The following RXFP2 variants were observed in gnomAD, a reference collection of about 807,000 sequenced individuals.
RXFP2 encodes relaxin receptor 2.
A neutral mutation model predicts 88.6 loss-of-function variants in RXFP2; 68 were observed. The ratio of observed to expected loss-of-function variants is 0.77; its 90% CI spans 0.63 to 0.94. The LOEUF is 0.94. Among genes scored for constraint, RXFP2 ranks in the 40% least tolerant of loss-of-function variants. The probability of loss-of-function intolerance (pLI) is 0.00; values close to 1 mark genes in which losing one functional copy is unlikely to be tolerated. For synonymous variants in RXFP2, 329 were observed against 306.8 expected (o/e 1.07, Z -0.76); for missense variants, 791 against 893.9 (o/e 0.88, Z 1.47).
intron 5 of RXFP2, among the ~76,000 whole-genome samples, chr13:31,774,378 CA>C (rs1172506316): frequency 6.6e-6 from 1 of 152,190 alleles, no homozygotes; most frequent in East Asian, 1.9e-4. Context: ...TCCGCAGACA[CA>C]TCACACTGGA....
At chr13:31,788,584 C>G (rs1273229947) in intron 13 of RXFP2, among the ~76,000 whole-genome samples, 2 of 152,084 alleles carry the variant, frequency 1.3e-5, no homozygotes, top group Non-Finnish European at 2.9e-5. Flanking sequence ...TTAAATTTAA[C>G]TTAAATTTAA....
chr13:31,739,924 T>A (rs577154577), intron 1 of RXFP2, among the ~76,000 whole-genome samples: 1 of 152,300 alleles, frequency 6.6e-6, no homozygotes, highest in East Asian at 1.9e-4. Context: ...AGCCTTTGTA[T>A]GTTATTAAAG....
chr13:31,795,845 G>A lies in RXFP2; in HGVS notation c.1787-1356G>A, dbSNP rs148571768. ...GAGTGACTAAGAAGTCAGCATGAAA[G>A]GTAATAGTGATGTTAGGTGGGAATC... On this transcript the variant is annotated intron_variant, in intron 16 of 17. Transcript: ENST00000298386. Among the ~76,000 whole-genome samples, 1,042 of 152,132 alleles carry A rather than the reference G, an allele frequency of 6.8e-3. 10 individuals carry two copies. The highest frequency in any genetic ancestry group is 0.024 in the African/African-American group (994 of 41,522).
chr13:31,775,191 T>A, intron 6 of RXFP2, 127 bp from the exon 7 acceptor site: 1 of 813,386 alleles, frequency 1.2e-6, no homozygotes, highest in Non-Finnish European at 2.1e-6. Flanking sequence ...CCTCTGCTCA[T>A]TCAGCCGAAT....
chr13:31,773,946 C>T (rs973672696), intron 5 of RXFP2, among the ~76,000 whole-genome samples: 2 of 152,138 alleles, frequency 1.3e-5, no homozygotes, highest in South Asian at 4.2e-4. Context: ...AGCTAACTTC[C>T]CATTGTACAA....
rs2138467298 is a variant in RXFP2 at position 31,797,318 on chromosome 13, C to T, written c.1904C>T (p.Ala635Val). Residue 635 changes from alanine (A) to valine (V), a missense_variant, in exon 17 of 18, where the codon GCT becomes GTT. Physicochemically the swap from Ala to Val is moderately conservative, Grantham distance 64. Coordinates refer to ENST00000298386, the MANE Select transcript of RXFP2 (RefSeq NM_130806.5). ...AGGAATTGTTTTGGAAGAGAGGTGG[C>T]TGTTGCAAATCGTTTCTTTTTTATA... ...EVRNCFGREV[A>V]VANRFFFIVF... 6.2e-7 allele frequency: 1 copy of T among 1,614,012 alleles called. No individual in the cohort carries two copies.
chr13:31,797,897 T>A lies in RXFP2; in HGVS notation c.2005+478T>A, dbSNP rs532797570. Among the ~76,000 whole-genome samples, 6 of 152,018 alleles carry A rather than the reference T, an allele frequency of 3.9e-5. No homozygotes were observed. In the South Asian group the frequency reaches 1.2e-3, roughly 32 times the overall value. On this transcript the variant is annotated intron_variant, in intron 17 of 17. Coordinates refer to ENST00000298386, the MANE Select transcript of RXFP2 (RefSeq NM_130806.5). ...GAGCACGAGATATTTCCTGAAAGAG[T>A]CTCCTCCAAAAGGCCAAATTCCCTG...
In RXFP2 at chr13:31,791,900, G is replaced by A; in HGVS notation, c.1240G>A (p.Ala414Thr). The A allele has an allele frequency of 1.2e-6, 2 of 1,614,054 alleles. No homozygotes were observed. The highest frequency in any genetic ancestry group is 8.5e-7 in the Non-Finnish European group (1 of 1,179,950). ...CATTTCTTCATTTGAGGACCTCTTG[G>A]CTAACAATATCCTCAGAATATTTGT... Reference protein sequence around the residue: ...DGISSFEDLLANNILRIFVWV... With the variant: ...DGISSFEDLLTNNILRIFVWV... Residue 414 changes from alanine (A) to threonine (T), a missense_variant, in exon 15 of 18, where the codon GCT (alanine) becomes ACT (threonine). Coordinates refer to ENST00000298386, the MANE Select transcript of RXFP2 (RefSeq NM_130806.5).
intron 1 of RXFP2, among the ~76,000 whole-genome samples, chr13:31,744,427 T>C (rs752221517): frequency 6.6e-6 from 1 of 152,210 alleles, no homozygotes; most frequent in African/African-American, 2.4e-5. Flanking sequence ...AACTATATAG[T>C]TCATAGCATG....
At chr13:31,783,795 TTTTTG>T (rs1219906666) in intron 11 of RXFP2, among the ~76,000 whole-genome samples, 1 of 92,858 alleles carries the variant, frequency 1.1e-5, no homozygotes, top group Non-Finnish European at 2.3e-5. Context: ...ACAGAGGGGT[TTTTTG>T]TTTGTTTGTT....
chr13:31,802,022 T>C (rs946347349), intron 17 of RXFP2, 124 bp from the exon 18 acceptor site: 7 of 937,766 alleles, frequency 7.5e-6, no homozygotes, highest in Non-Finnish European at 1.1e-5. Context: ...TTCCTTCAGG[T>C]GAGAGAAAAC....
At chr13:31,783,126 T>C (rs1873365478) in intron 11 of RXFP2, among the ~76,000 whole-genome samples, 1 of 152,200 alleles carries the variant, frequency 6.6e-6, no homozygotes, top group South Asian at 2.1e-4. Flanking sequence ...ATAATATTAA[T>C]TCCTTATAAC....
Position 31,796,038 on chromosome 13 carries a change from C to CTT in RXFP2, c.1787-1135_1787-1134dup, listed in dbSNP as rs776535132. On this transcript the variant is annotated intron_variant, in intron 16 of 17. Coordinates refer to ENST00000298386, the MANE Select transcript of RXFP2 (RefSeq NM_130806.5). Reference sequence around the variant, plus strand: ...ATACATTTTTGTTCTATGTGTTATTCTTTTTTTTTTTTTTTTTTTTTTTTT... The same window carrying CTT: ...ATACATTTTTGTTCTATGTGTTATTCTTTTTTTTTTTTTTTTTTTTTTTTTTT... Among the ~76,000 whole-genome samples the CTT allele has an allele frequency of 5.9e-4, 22 of 36,984 alleles. 2 individuals carry two copies. The highest frequency in any genetic ancestry group is 1.3e-3 in the African/African-American group (11 of 8,214). 24.3% of individuals were successfully genotyped at this position (36,984 alleles called of 152,430 possible). A position where few individuals can be genotyped will look rare whatever the true frequency, so the allele number is the denominator to read the frequency against.
At chr13:31,797,091 A>T (rs1874085206) in intron 16 of RXFP2, 110 bp from the exon 17 acceptor site, 1 of 816,864 alleles carries the variant, frequency 1.2e-6, no homozygotes, top group Non-Finnish European at 2.1e-6. Flanking sequence ...CCGAAATCCA[A>T]AACATTTCTG....
chr13:31,758,551 C>G, intron 2 of RXFP2, 147 bp downstream of exon 2: 7 of 885,606 alleles, frequency 7.9e-6, no homozygotes, highest in Non-Finnish European at 1.1e-5. Context: ...AATGACTCCC[C>G]AATGTATTTG....
Position 31,761,785 on chromosome 13 carries a change from C to T in RXFP2, c.303C>T (p.Ala101=), listed in dbSNP as rs1468717273. The part of the protein sequence containing the change: ...GTVHGNANSV[A]LTQECFLKQY... Reference sequence around the variant, plus strand: ...TGCATGGAAATGCTAACAGCGTGGCCTTAACACAGGAGTGCTGTAAGTGGT... The same window carrying T: ...TGCATGGAAATGCTAACAGCGTGGCTTTAACACAGGAGTGCTGTAAGTGGT... The change falls in exon 3 of 18, where the codon GCC becomes GCT. Residue 101 remains alanine, a synonymous_variant. Transcript: ENST00000298386. The T allele has an allele frequency of 6.2e-7, 1 of 1,611,900 alleles. No homozygotes were observed. The highest frequency in any genetic ancestry group is 8.5e-7 in the Non-Finnish European group (1 of 1,178,104).
chr13:31,755,636 T>C (rs1335141037), intron 1 of RXFP2, among the ~76,000 whole-genome samples: 1 of 152,314 alleles, frequency 6.6e-6, no homozygotes, highest in South Asian at 2.1e-4. Context: ...CTGACTCCTA[T>C]AGAAATCTTT....
At chr13:31,752,800 C>T (rs1019867925) in intron 1 of RXFP2, among the ~76,000 whole-genome samples, 3 of 152,190 alleles carry the variant, frequency 2.0e-5, no homozygotes, top group African/African-American at 7.2e-5. Context: ...TGCTGCCCCC[C>T]TCAGAGATGC....
chr13:31,784,351 A>G (rs764914529), intron 11 of RXFP2, among the ~76,000 whole-genome samples: 22 of 152,136 alleles, frequency 1.4e-4, no homozygotes, highest in Non-Finnish European at 2.9e-4. Context: ...CTTAACTAGA[A>G]CAAGGCATTC....
Sources: gnomAD v4.1 joint callset for allele counts (sites outside exome capture counted in the v4.1 genomes callset) on GRCh38, gnomAD v4.1.1 for gene constraint, MANE v1.5 for transcripts, NCBI Gene and HGNC (gene_info 2026-07-23, HGNC 2026-07-21) for gene names.